CNOT2: variants seen among roughly 807,000 people sequenced by gnomAD.
The protein encoded by CNOT2 is CC chemokine receptor 4-negative regulator of transcription 2.
CNOT2 carries 7 observed loss-of-function variants against 72.1 expected under a neutral mutation model. The observed-to-expected ratio is 0.10, with a 90% confidence interval of 0.06 to 0.18. The LOEUF (loss-of-function observed/expected upper bound fraction) is 0.18, where lower values mean the gene tolerates loss of function less well. CNOT2 is among the 10% of genes least tolerant of loss of function. CNOT2 has a pLI of 1.00. For synonymous variants in CNOT2, 196 were observed against 225.6 expected (o/e 0.87, Z 1.17); for missense variants, 345 against 660.3 (o/e 0.52, Z 5.23).
At chr12:70,339,066 A>ATGTGTGTG (rs1358955412) in intron 11 of CNOT2, among the ~76,000 whole-genome samples, 1,855 of 134,634 alleles carry the variant, frequency 0.014, 53 homozygotes, top group African/African-American at 0.053. Context: ...GCATGTATAT[A>ATGTGTGTG]TGTGTGTGTG....
Position 70,266,914 on chromosome 12 carries a change from A to G in CNOT2, c.-95-11218A>G, listed in dbSNP as rs1384210005. Among the ~76,000 whole-genome samples the G allele has an allele frequency of 4.0e-5, 6 of 151,826 alleles. No individual in the cohort carries two copies. In the East Asian group the frequency reaches 5.8e-4, roughly 15 times the overall value. ...CTATATCTAATATAATTATTGTTCT[A>G]TTTGGATTTAGATAAACCCTTTGCT... On this transcript the variant is annotated intron_variant, in intron 1 of 15. Transcript: ENST00000229195.
chr12:70,351,236 A>G (rs1882827127), intron 15 of CNOT2, among the ~76,000 whole-genome samples: 1 of 152,142 alleles, frequency 6.6e-6, no homozygotes, highest in Non-Finnish European at 1.5e-5. Flanking sequence ...TATTCATCAT[A>G]TATTAATTAC....
intron 1 of CNOT2, among the ~76,000 whole-genome samples, chr12:70,268,974 T>A (rs1228917266): frequency 6.6e-6 from 1 of 152,252 alleles, no homozygotes; most frequent in Admixed American, 6.5e-5. Flanking sequence ...ATTTTCAAAA[T>A]GCTTTAACAT....
chr12:70,292,923 A>G (rs1872163400), intron 2 of CNOT2, among the ~76,000 whole-genome samples: 1 of 152,140 alleles, frequency 6.6e-6, no homozygotes, highest in Non-Finnish European at 1.5e-5. Context: ...ATTTTTAATT[A>G]CTTCCTGTAA....
intron 2 of CNOT2, among the ~76,000 whole-genome samples, chr12:70,305,366 T>G (rs914902041): frequency 2.0e-5 from 3 of 152,170 alleles, no homozygotes; most frequent in African/African-American, 7.2e-5. Context: ...AATACCCGCC[T>G]TCATGATTCA....
At chr12:70,294,594 G>C (rs1321661445) in intron 2 of CNOT2, among the ~76,000 whole-genome samples, 1 of 151,910 alleles carries the variant, frequency 6.6e-6, no homozygotes, top group Non-Finnish European at 1.5e-5. Context: ...AGCAGGTCCA[G>C]AAAACCCATG....
intron 2 of CNOT2, among the ~76,000 whole-genome samples, chr12:70,293,225 A>G (rs1161507848): frequency 6.7e-6 from 1 of 149,814 alleles, no homozygotes; most frequent in African/African-American, 2.5e-5. Flanking sequence ...CAGTGGCACG[A>G]TCTAAACTCA....
At chr12:70,341,046 C>A (rs1047275735) in intron 11 of CNOT2, among the ~76,000 whole-genome samples, 3 of 151,896 alleles carry the variant, frequency 2.0e-5, no homozygotes, top group Admixed American at 6.6e-5. Flanking sequence ...CCATGCCCAG[C>A]TAATTTTTGT....
At chr12:70,331,517 T>C (rs1879939814) in intron 6 of CNOT2, 2 of 151,874 alleles carry the variant, frequency 1.3e-5, no homozygotes, top group South Asian at 4.1e-4. Context: ...ACATTTTGTT[T>C]TTAAAATACA....
intron 2 of CNOT2, among the ~76,000 whole-genome samples, chr12:70,293,841 T>G (rs1421777536): frequency 6.6e-6 from 1 of 151,558 alleles, no homozygotes; most frequent in Non-Finnish European, 1.5e-5. Context: ...CTGTCTTACA[T>G]GTTTTCATAA....
intron 1 of CNOT2, among the ~76,000 whole-genome samples, chr12:70,248,819 T>C (rs1958009619): frequency 6.6e-6 from 1 of 152,080 alleles, no homozygotes; most frequent in Admixed American, 6.5e-5. Context: ...GGGAGTATGA[T>C]CCAGTACTCA....
chr12:70,271,085 T>A (rs187829501), intron 1 of CNOT2, among the ~76,000 whole-genome samples: 233 of 152,302 alleles, frequency 1.5e-3, no homozygotes, highest in African/African-American at 5.5e-3. Context: ...TAATAATTAA[T>A]TCCAGGGTCA....
At chr12:70,262,016 C>T (rs914130030) in intron 1 of CNOT2, among the ~76,000 whole-genome samples, 11 of 151,934 alleles carry the variant, frequency 7.2e-5, no homozygotes, top group African/African-American at 2.2e-4. Flanking sequence ...TATTTCTTTA[C>T]GATCCTTGTT....
chr12:70,302,800 A>G (rs1205365520), intron 2 of CNOT2, among the ~76,000 whole-genome samples: 3 of 152,124 alleles, frequency 2.0e-5, no homozygotes, highest in African/African-American at 4.8e-5. Context: ...TGATCTGTCT[A>G]ATGTTGACAG....
At position 70,276,348 on chromosome 12, in the gene CNOT2, C is replaced by T. The variant is rs183039880; in HGVS notation, c.-95-1784C>T. On this transcript the variant is annotated intron_variant, in intron 1 of 15. Coordinates refer to ENST00000229195, the MANE Select transcript of CNOT2 (RefSeq NM_014515.7). The stretch of plus-strand genomic sequence containing the variant: ...GACATTAATATAATTGGAGGTAATT[C>T]GTAGACCCTAAATATTATATAAGAA... Among the ~76,000 whole-genome samples the T allele has an allele frequency of 1.1e-3, 169 of 151,914 alleles. 2 individuals carry two copies. The highest frequency in any genetic ancestry group is 8.1e-3 in the South Asian group (39 of 4,822).
In CNOT2 at chr12:70,353,867, T is replaced by C. The variant is rs769580297; in HGVS notation, c.1575T>C (p.Pro525=). 28 of 1,508,682 alleles carry C rather than the reference T, an allele frequency of 1.9e-5. No individual in the cohort carries two copies. Among genetic ancestry groups the C allele is most frequent in the Non-Finnish European group, 1.9e-5 (21 of 1,125,968 alleles). 93.5% of individuals were successfully genotyped at this position (1,508,682 alleles called of 1,614,324 possible). ...AATATGACAAATTAGAAGAACGGCC[T>C]CACCTGCCATCCACCTTCAACTACA... ...HLEYDKLEER[P]HLPSTFNYNP... The change falls in exon 16 of 16, where the codon CCT becomes CCC. Residue 525 remains proline (P), a synonymous_variant. Coordinates refer to ENST00000229195, the MANE Select transcript of CNOT2 (RefSeq NM_014515.7).
rs79507575 is a variant in CNOT2 at position 70,328,359 on chromosome 12, T to A, written c.239-1064T>A. On this transcript the variant is annotated intron_variant, in intron 4 of 15. Transcript: ENST00000229195. ...GCACTGAAGTCATCTACTTACTGATTAGTTCTCACTCTATCTTATCACTTT... is the reference window on the plus strand; with the variant it reads ...GCACTGAAGTCATCTACTTACTGATAAGTTCTCACTCTATCTTATCACTTT... Among the ~76,000 whole-genome samples, 270 of 152,020 alleles carry A rather than the reference T, an allele frequency of 1.8e-3. 2 individuals carry two copies. Among genetic ancestry groups the A allele is most frequent in the African/African-American group, 6.1e-3 (254 of 41,518 alleles).
intron 2 of CNOT2, among the ~76,000 whole-genome samples, chr12:70,308,584 T>TCTCTCTCTCTCTCTCTCTCTCTCACA (rs550679130): frequency 1.5e-4 from 20 of 133,324 alleles, no homozygotes; most frequent in African/African-American, 5.6e-4. Context: ...TCTCTCTCTC[T>TCTCTCTCTCTCTCTCTCTCTCTCACA]CACACACACA....
At chr12:70,289,599 A>G (rs1284397443) in intron 2 of CNOT2, among the ~76,000 whole-genome samples, 1 of 152,066 alleles carries the variant, frequency 6.6e-6, no homozygotes, top group African/African-American at 2.4e-5. Flanking sequence ...GTTGTCCCAT[A>G]GCTTACTGAT....
Sources: allele counts gnomAD v4.1 joint callset (sites outside exome capture counted in the v4.1 genomes callset), GRCh38; gene constraint gnomAD v4.1.1; transcripts MANE v1.5; gene names NCBI Gene and HGNC (gene_info 2026-07-23, HGNC 2026-07-21).